Variants in SLC15A5 observed in about 807,000 individuals in gnomAD.
SLC15A5 encodes the protein solute carrier family 15 member 5.
Under a neutral mutation model 56.1 loss-of-function variants are expected in SLC15A5, and 58 were observed. The observed-to-expected ratio is 1.03, with a 90% CI of 0.84 to 1.29. The LOEUF is 1.29. Ranked by LOEUF, SLC15A5 falls within the 50% of genes most tolerant of loss-of-function variation. The probability of loss-of-function intolerance (pLI) is 0.00; values close to 1 mark genes in which losing one functional copy is unlikely to be tolerated. For missense variants in SLC15A5, 681 were observed against 672.1 expected (o/e 1.01, Z -0.15); for synonymous variants, 264 against 250.5 (o/e 1.05, Z -0.51).
intron 6 of SLC15A5, among the ~76,000 whole-genome samples, chr12:16,222,879 A>G (rs1249592449): frequency 1.3e-5 from 2 of 152,214 alleles, no homozygotes; most frequent in Non-Finnish European, 2.9e-5. Context: ...TGGGAATAAC[A>G]TCAGAGAAGA....
Position 16,257,696 on chromosome 12 carries a change from C to A in SLC15A5, c.754+5G>T. ...AGAAATCAATGTAACGCATAATTTA[C>A]TTACGTTTTTCTGACTGATAAATTA... On this transcript the variant is annotated splice_donor_5th_base_variant and intron_variant, in intron 3 of 8. Coordinates refer to ENST00000344941, the MANE Select transcript of SLC15A5 (RefSeq NM_001170798.1). 1 of 1,452,220 alleles carries A rather than the reference C, an allele frequency of 6.9e-7. No individual in the cohort carries two copies. The highest frequency in any genetic ancestry group is 1.4e-5 in the South Asian group (1 of 69,452). 90.0% of individuals were successfully genotyped at this position (1,452,220 alleles called of 1,614,324 possible).
At chr12:16,253,782 G>A (rs948752894) in intron 3 of SLC15A5, among the ~76,000 whole-genome samples, 3 of 152,082 alleles carry the variant, frequency 2.0e-5, no homozygotes, top group African/African-American at 2.4e-5. Flanking sequence ...AAAATACTGC[G>A]TTGACGAGGA....
At position 16,224,571 on chromosome 12, in the gene SLC15A5, C is replaced by G. The variant is rs574073542; in HGVS notation, c.1194G>C (p.Val398=). The change falls in exon 6 of 9, where the codon GTG becomes GTC. Residue 398 remains valine, a synonymous_variant. Transcript: ENST00000344941. ...IAGNLFAALS[V]MIAGFFEIHR... ...GTATTTCAAAGAAGCCAGCTATCAT[C>G]ACAGACAATGCAGCAAAAAGATTTC... 7 of 1,536,196 alleles carry G rather than the reference C, an allele frequency of 4.6e-6. No individual in the cohort carries two copies. The highest frequency in any genetic ancestry group is 2.4e-5 in the South Asian group (2 of 83,954).
intron 3 of SLC15A5, among the ~76,000 whole-genome samples, chr12:16,246,562 A>T (rs1864463389): frequency 6.6e-6 from 1 of 152,178 alleles, no homozygotes; most frequent in South Asian, 2.1e-4. Flanking sequence ...GGTAGATAGT[A>T]GGGTTATTAT....
chr12:16,245,024 G>T (rs753220673), intron 3 of SLC15A5, among the ~76,000 whole-genome samples: 34 of 152,122 alleles, frequency 2.2e-4, no homozygotes, highest in Non-Finnish European at 3.8e-4. Context: ...AGTGTAAAAG[G>T]TAAGATCAAT....
chr12:16,213,401 T>C (rs185275252), intron 7 of SLC15A5, among the ~76,000 whole-genome samples: 6 of 152,294 alleles, frequency 3.9e-5, no homozygotes, highest in African/African-American at 1.4e-4. Flanking sequence ...CCAGAACCTA[T>C]TCTCTTAACC....
At chr12:16,194,314 A>G (rs780995588) in intron 8 of SLC15A5, 31 bp downstream of exon 8, 6 of 1,437,050 alleles carry the variant, frequency 4.2e-6, no homozygotes, top group Admixed American at 4.1e-5. Context: ...ATGGACTCAG[A>G]AATTTTTCAT....
At chr12:16,254,802 C>T (rs912195365) in intron 3 of SLC15A5, among the ~76,000 whole-genome samples, 10 of 152,066 alleles carry the variant, frequency 6.6e-5, no homozygotes, top group Admixed American at 6.5e-4. Context: ...AAAAGCTGAT[C>T]TCAAAGAAGT....
rs1864395613 is a variant in SLC15A5 at position 16,239,853 on chromosome 12, A to G, written c.990T>C (p.Tyr330=). The stretch of plus-strand genomic sequence containing the variant: ...GGTTGGAATTCATAGTTTGCAGATA[A>G]TATCCTGAAGGAATCTGTATTCGAG... ...RMCIMQIPSG[Y]YLQTMNSNLN... Residue 330 remains tyrosine, a synonymous_variant, in exon 5 of 9, where the codon TAT becomes TAC. Coordinates refer to ENST00000344941, the MANE Select transcript of SLC15A5 (RefSeq NM_001170798.1). The G allele has an allele frequency of 1.3e-6, 2 of 1,536,924 alleles. No individual in the cohort carries two copies. The highest frequency in any genetic ancestry group is 1.4e-5 in the African/African-American group (1 of 73,048).
intron 3 of SLC15A5, among the ~76,000 whole-genome samples, chr12:16,255,730 A>G (rs569021778): frequency 2.6e-4 from 40 of 152,242 alleles, no homozygotes; most frequent in African/African-American, 7.5e-4. Flanking sequence ...GGTAAAATAA[A>G]TGATAGTTTG....
rs942170209 is a variant in SLC15A5, at chr12:16,239,761, A to G, written c.1082T>C (p.Ile361Thr). Residue 361 changes from isoleucine (I) to threonine (T), a missense_variant, in exon 5 of 9, where the codon ATT becomes ACT. Physicochemically the swap from Ile to Thr is moderately conservative, Grantham distance 89. Transcript: ENST00000344941. ...MNAISSLPLL[I>T]LAPFLEYFST... ...GAAATACTCCAGAAAAGGAGCCAGA[A>G]TTAGTAATGGTAGGCTGCTGATGGC... The G allele has an allele frequency of 1.3e-5, 20 of 1,537,234 alleles. No individual in the cohort carries two copies. Among genetic ancestry groups the G allele is most frequent in the Non-Finnish European group, 1.7e-5 (19 of 1,146,926 alleles).
intron 5 of SLC15A5, among the ~76,000 whole-genome samples, chr12:16,227,428 A>C (rs903995291): frequency 4.6e-5 from 7 of 152,202 alleles, no homozygotes; most frequent in Non-Finnish European, 7.3e-5. Flanking sequence ...AAAGATGAAA[A>C]GAGTCTGTTC....
At chr12:16,197,163 T>G (rs2136238504) in intron 7 of SLC15A5, among the ~76,000 whole-genome samples, 1 of 152,320 alleles carries the variant, frequency 6.6e-6, no homozygotes, top group South Asian at 2.1e-4. Flanking sequence ...GCTCCTGTAT[T>G]CATTCTTAAA....
chr12:16,208,667 TA>T (rs1379592545), intron 7 of SLC15A5, among the ~76,000 whole-genome samples: 2 of 152,090 alleles, frequency 1.3e-5, no homozygotes, highest in Non-Finnish European at 2.9e-5. Flanking sequence ...ATCCCATCTC[TA>T]AAAAACCCCC....
At position 16,243,321 on chromosome 12, in the gene SLC15A5, C is replaced by T. The variant is rs1864430629; in HGVS notation, c.975+1259G>A. Among the ~76,000 whole-genome samples, 1 of 151,646 alleles carries T rather than the reference C, an allele frequency of 6.6e-6. No homozygotes were observed. The highest frequency in any genetic ancestry group is 6.6e-5 in the Admixed American group (1 of 15,230). ...CGCCTCCTGGGTTCAAGCGATTCTC[C>T]AGCCTCAGCCTCCCAAGCAGCTCGG... is the stretch of plus-strand genomic sequence containing the variant. On this transcript the variant is annotated intron_variant, in intron 4 of 8. Coordinates refer to ENST00000344941, the MANE Select transcript of SLC15A5 (RefSeq NM_001170798.1). This position sits in a 1 kb window ranked among gnomAD's most constrained non-coding sequence, Gnocchi z 4.4.
intron 1 of SLC15A5, among the ~76,000 whole-genome samples, chr12:16,273,265 C>G (rs1014655954): frequency 6.6e-6 from 1 of 151,952 alleles, no homozygotes; most frequent in Non-Finnish European, 1.5e-5. Flanking sequence ...TAGAGGAGAA[C>G]ACAGCCTTTT....
chr12:16,191,718 G>A (rs186596596), intron 8 of SLC15A5, among the ~76,000 whole-genome samples: 1 of 152,176 alleles, frequency 6.6e-6, no homozygotes, highest in East Asian at 1.9e-4. Flanking sequence ...GTTTCATACT[G>A]TGTCTTGCTT....
chr12:16,233,957 G>T (rs948478616), intron 5 of SLC15A5, among the ~76,000 whole-genome samples: 17 of 152,148 alleles, frequency 1.1e-4, no homozygotes, highest in Admixed American at 3.3e-4. Flanking sequence ...TTCAAGCAAA[G>T]CACACATATT....
chr12:16,210,288 G>A (rs6488824), intron 7 of SLC15A5, among the ~76,000 whole-genome samples: 80,140 of 151,938 alleles, frequency 0.53, 21,557 homozygotes, highest in South Asian at 0.74. Context: ...TTTGCCATGC[G>A]TAGGAGGCTT....
Sources: allele counts gnomAD v4.1 joint callset (sites outside exome capture counted in the v4.1 genomes callset), GRCh38; gene constraint gnomAD v4.1.1; non-coding constraint Gnocchi (gnomAD v3.1); transcripts MANE v1.5; gene names NCBI Gene and HGNC (gene_info 2026-07-23, HGNC 2026-07-21).